Variants in ADCY5 observed in about 807,000 individuals in gnomAD.
The protein encoded by ADCY5 is adenylate cyclase 5.
ADCY5 carries 30 observed loss-of-function variants against 119.7 expected under a neutral mutation model. The ratio of observed to expected loss-of-function variants is 0.25; its 90% confidence interval spans 0.19 to 0.34. The LOEUF is 0.34. Ranked by LOEUF, ADCY5 falls within the 10% of genes least tolerant of loss-of-function variation. The pLI is 1.00. For missense variants in ADCY5, 1,324 were observed against 1,775.2 expected, an observed-to-expected ratio of 0.75 and a Z score of 4.57; for synonymous variants, 753 against 762.2, an observed-to-expected ratio of 0.99 and a Z score of 0.20.
rs182862531 is a variant in ADCY5, at chr3:123,303,966, C to T, written c.2559+101G>A. ...CCAGGTGCGAAACAAATAAGAACTTCCAGGGAAAGTCTCTCCTAGGCCTGC... is the reference window on the plus strand; with the variant it reads ...CCAGGTGCGAAACAAATAAGAACTTTCAGGGAAAGTCTCTCCTAGGCCTGC... On this transcript the variant is annotated intron_variant, in intron 13 of 20. Coordinates refer to ENST00000462833, the MANE Select transcript of ADCY5 (RefSeq NM_183357.3). 1.3e-3 allele frequency: 1,106 copies of T among 828,168 alleles called. 4 individuals are homozygous for T. Among genetic ancestry groups the T allele is most frequent in the Non-Finnish European group, 8.5e-4 (423 of 496,058 alleles). The allele number at this position is 828,168 out of a possible 1,614,324, so 51.3% of individuals were successfully genotyped here. A position where few individuals can be genotyped will look rare whatever the true frequency, so the allele number is the denominator to read the frequency against.
intron 1 of ADCY5, among the ~76,000 whole-genome samples, chr3:123,355,012 GA>G (rs1942986271): frequency 6.6e-6 from 1 of 152,148 alleles, no homozygotes; most frequent in African/African-American, 2.4e-5. Context: ...ACTTAATGGT[GA>G]AAGACTGAAT....
chr3:123,413,646 T>G (rs1945114567), intron 1 of ADCY5, among the ~76,000 whole-genome samples: 1 of 152,204 alleles, frequency 6.6e-6, no homozygotes, highest in Admixed American at 6.5e-5. Flanking sequence ...TGCAGGCCCA[T>G]CCAAGTCACT....
intron 1 of ADCY5, among the ~76,000 whole-genome samples, chr3:123,438,919 T>C (rs1162626441): frequency 6.6e-6 from 1 of 151,668 alleles, no homozygotes; most frequent in East Asian, 1.9e-4. Flanking sequence ...ATTAACCTTT[T>C]TAAAAAATTT....
intron 1 of ADCY5, among the ~76,000 whole-genome samples, chr3:123,399,413 G>T (rs1417089469): frequency 6.6e-6 from 1 of 152,018 alleles, no homozygotes. Context: ...ATGTTAAAAT[G>T]GTCTCTACCC....
intron 1 of ADCY5, among the ~76,000 whole-genome samples, chr3:123,422,611 A>G (rs1343664917): frequency 1.3e-5 from 2 of 152,224 alleles, no homozygotes; most frequent in Non-Finnish European, 2.9e-5. Flanking sequence ...ACTGCAGGGC[A>G]GAGGCAGTGA....
At chr3:123,382,344 G>A (rs1944060031) in intron 1 of ADCY5, among the ~76,000 whole-genome samples, 1 of 148,430 alleles carries the variant, frequency 6.7e-6, no homozygotes, top group African/African-American at 2.5e-5. Context: ...TGCAGCCCCT[G>A]TGGAAAACAG....
rs558993081 is a variant in ADCY5 at position 123,436,122 on chromosome 3, C to T, written c.1134+11290G>A. On this transcript the variant is annotated intron_variant, in intron 1 of 20. Transcript: ENST00000462833. ...AGCCAAGATGGCCTCAATCTCCTGACCTCGTGATCCGCCCGCCTCAGCCTC... is the reference window on the plus strand; with the variant it reads ...AGCCAAGATGGCCTCAATCTCCTGATCTCGTGATCCGCCCGCCTCAGCCTC... Among the ~76,000 whole-genome samples, 322 of 151,764 alleles carry T rather than the reference C, an allele frequency of 2.1e-3. 2 individuals carry two copies. The highest frequency in any genetic ancestry group is 5.3e-3 in the Admixed American group (81 of 15,238).
At chr3:123,396,065 G>GAGA (rs1559859695) in intron 1 of ADCY5, among the ~76,000 whole-genome samples, 1 of 7,136 alleles carries the variant, frequency 1.4e-4, no homozygotes, top group Non-Finnish European at 2.4e-4. Flanking sequence ...AGGGAGGGTG[G>GAGA]GAGGGAGAGG....
intron 1 of ADCY5, among the ~76,000 whole-genome samples, chr3:123,369,888 A>G (rs1056730272): frequency 6.6e-6 from 1 of 152,208 alleles, no homozygotes; most frequent in Non-Finnish European, 1.5e-5. Context: ...GTCTCCCAGA[A>G]AGAAACCAGG....
At chr3:123,405,351 G>A (rs1209909772) in intron 1 of ADCY5, among the ~76,000 whole-genome samples, 1 of 152,246 alleles carries the variant, frequency 6.6e-6, no homozygotes, top group East Asian at 1.9e-4. Flanking sequence ...CACGGACAAG[G>A]CATGTCAGGC....
chr3:123,435,851 T>A (rs915516049), intron 1 of ADCY5, among the ~76,000 whole-genome samples: 6 of 125,878 alleles, frequency 4.8e-5, no homozygotes, highest in South Asian at 2.9e-4. Context: ...CAAGAGCCCT[T>A]TTATTATTAT....
intron 1 of ADCY5, among the ~76,000 whole-genome samples, chr3:123,380,038 A>T (rs1030196978): frequency 2.6e-5 from 4 of 152,110 alleles, no homozygotes; most frequent in African/African-American, 9.7e-5. Context: ...TCTAGGTCTG[A>T]TTTTCCTCCT....
intron 1 of ADCY5, among the ~76,000 whole-genome samples, chr3:123,362,340 G>A (rs1218457739): frequency 6.6e-6 from 1 of 152,214 alleles, no homozygotes; most frequent in Middle Eastern, 3.4e-3. Flanking sequence ...ACTTTTTCAT[G>A]ATAGTCATCC....
chr3:123,409,034 A>G (rs1392339560), intron 1 of ADCY5, among the ~76,000 whole-genome samples: 1 of 152,386 alleles, frequency 6.6e-6, no homozygotes, highest in African/African-American at 2.4e-5. Context: ...ATAAAAATGT[A>G]TCTCTGTAGA....
At chr3:123,305,794 C>A (rs1559792047) in intron 12 of ADCY5, among the ~76,000 whole-genome samples, 1 of 152,212 alleles carries the variant, frequency 6.6e-6, no homozygotes, top group Non-Finnish European at 1.5e-5. Context: ...ACCCCAGAAT[C>A]CTCCTCCACC....
intron 1 of ADCY5, among the ~76,000 whole-genome samples, chr3:123,370,927 G>A (rs923827897): frequency 6.6e-6 from 1 of 152,194 alleles, no homozygotes; most frequent in Non-Finnish European, 1.5e-5. Flanking sequence ...GGCAGGATGA[G>A]GCTGGAGGTG....
chr3:123,411,328 T>C (rs1172255539), intron 1 of ADCY5, among the ~76,000 whole-genome samples: 1 of 152,166 alleles, frequency 6.6e-6, no homozygotes, highest in Non-Finnish European at 1.5e-5. Context: ...TGGATTCCCT[T>C]CAGTTCAGAA....
At chr3:123,383,273 C>T (rs1290450221) in intron 1 of ADCY5, among the ~76,000 whole-genome samples, 1 of 152,154 alleles carries the variant, frequency 6.6e-6, no homozygotes, top group East Asian at 1.9e-4. Context: ...AGTCAGTAGC[C>T]ATAGTGTGTG....
chr3:123,327,605 C>G lies in ADCY5; in HGVS notation c.1947+13G>C. ...AGGGAGCCCCTCAGCCCCCCGGCCC[C>G]CAGCCCACAGACCCGCTTCTGGGTG... On this transcript the variant is annotated intron_variant, in intron 7 of 20. Transcript: ENST00000462833. The G allele has an allele frequency of 6.2e-7, 1 of 1,611,210 alleles. No homozygotes were observed. Among genetic ancestry groups the G allele is most frequent in the Non-Finnish European group, 8.5e-7 (1 of 1,178,288 alleles).
Sources: gnomAD v4.1 joint callset for allele counts (sites outside exome capture counted in the v4.1 genomes callset) on GRCh38, gnomAD v4.1.1 for gene constraint, MANE v1.5 for transcripts, NCBI Gene and HGNC (gene_info 2026-07-23, HGNC 2026-07-21) for gene names.